Variants in ELAC2 observed in about 807,000 individuals in gnomAD.
ELAC2 encodes the protein elaC ribonuclease Z 2, also known as zinc phosphodiesterase ELAC protein 2.
ELAC2 carries 92 observed loss-of-function variants against 105.2 expected under a neutral mutation model. The ratio of observed to expected loss-of-function variants is 0.87; its 90% CI spans 0.74 to 1.04. The LOEUF (loss-of-function observed/expected upper bound fraction) is 1.04. ELAC2 is among the 50% of genes least tolerant of loss of function. ELAC2 has a pLI of 0.00. For missense variants in ELAC2, 1,099 were observed against 1,071.7 expected (o/e 1.03, Z -0.36); for synonymous variants, 468 against 409.1 (o/e 1.14, Z -1.74).
At chr17:13,008,935 G>A (rs2041256298) in intron 8 of ELAC2, among the ~76,000 whole-genome samples, 1 of 152,122 alleles carries the variant, frequency 6.6e-6, no homozygotes, top group African/African-American at 2.4e-5. Flanking sequence ...CTGATAATAG[G>A]GCAACTGCCC....
chr17:12,995,074 C>A lies in ELAC2; in HGVS notation c.1809-12G>T. ...TGGCAGGAATCATACTGTAAAAAGA[C>A]AAAACATTTAAAATGATAATAAACG... On this transcript the variant is annotated splice_polypyrimidine_tract_variant and intron_variant, in intron 19 of 23. Transcript: ENST00000338034. 6.2e-7 allele frequency: 1 copy of A among 1,613,440 alleles called. No individual in the cohort carries two copies.
intron 1 of ELAC2, 134 bp downstream of exon 1, chr17:13,017,569 T>G: frequency 6.7e-7 from 1 of 1,483,484 alleles, no homozygotes; most frequent in South Asian, 1.2e-5. Context: ...CCACCCACCA[T>G]AACTCCACGA....
intron 8 of ELAC2, 107 bp downstream of exon 8, chr17:13,010,506 G>C (rs1598257903): frequency 9.9e-7 from 1 of 1,011,636 alleles, no homozygotes. Flanking sequence ...ATCTCTTCTT[G>C]TCTCAGGTAA....
chr17:13,017,692 C>T lies in ELAC2; in HGVS notation c.245+11G>A, dbSNP rs1305283714. 5 of 1,613,258 alleles carry T rather than the reference C, an allele frequency of 3.1e-6. No homozygotes were observed. The highest frequency in any genetic ancestry group is 4.2e-6 in the Non-Finnish European group (5 of 1,179,804). On this transcript the variant is annotated intron_variant, in intron 1 of 23. Coordinates refer to ENST00000338034, the MANE Select transcript of ELAC2 (RefSeq NM_018127.7). ...GGGCCCAGCGGGACGGGGCGTGGCT[C>T]GTTGACTGACCGGTTGAACTCGGAG...
Position 12,993,757 on chromosome 17 carries a change from C to G in ELAC2, c.2183G>C (p.Arg728Pro). 6.2e-7 allele frequency: 1 copy of G among 1,614,158 alleles called. No homozygotes were observed. Among genetic ancestry groups the G allele is most frequent in the Non-Finnish European group, 8.5e-7 (1 of 1,180,024 alleles). Residue 728 changes from arginine (R) to proline (P), a missense_variant, in exon 23 of 24, where the codon CGC (arginine) becomes CCC (proline). Transcript: ENST00000338034. ...EFIMLNHFSQ[R>P]YAKVPLFSPN... The stretch of plus-strand genomic sequence containing the variant: ...GCTGAAGAGGGGGACCTTGGCATAG[C>G]GCTGGCTGAAGTGGTTCAGCATAAT...
In ELAC2 at chr17:12,992,816, C is replaced by T. The variant is rs562627181; in HGVS notation, c.*2G>A. The T allele has an allele frequency of 3.1e-6, 5 of 1,611,576 alleles. No homozygotes were observed. The highest frequency in any genetic ancestry group is 2.2e-5 in the East Asian group (1 of 44,840). ...CTTCTGAGTTCAGGGTCTCCCAGAT[C>T]TTCACTGGGCTCTGACCTTCTTGGC... On this transcript the variant is annotated 3_prime_UTR_variant, in exon 24 of 24. Coordinates refer to ENST00000338034, the MANE Select transcript of ELAC2 (RefSeq NM_018127.7).
At position 13,005,086 on chromosome 17, in the gene ELAC2, G is replaced by C; in HGVS notation, c.886C>G (p.Leu296Val). 6.2e-7 allele frequency: 1 copy of C among 1,614,066 alleles called. No homozygotes were observed. The highest frequency in any genetic ancestry group is 1.6e-4 in the Middle Eastern group (1 of 6,062). Reference protein sequence around the residue: ...HEGREILAEELCTPPDPGAAF... With the variant: ...HEGREILAEEVCTPPDPGAAF... ...GCACCAGGATCTGGAGGAGTACACA[G>C]CTCTTCAGCCAAAATCTGCAAAACC... The change falls in exon 11 of 24, where the codon CTG (leucine) becomes GTG (valine). Residue 296 changes from leucine to valine, a missense_variant. Leu to Val is a conservative substitution (Grantham distance 32). Coordinates refer to ENST00000338034, the MANE Select transcript of ELAC2 (RefSeq NM_018127.7).
intron 14 of ELAC2, chr17:13,000,526 C>T: frequency 1.9e-6 from 1 of 515,446 alleles, no homozygotes; most frequent in Non-Finnish European, 3.6e-6. Flanking sequence ...TTTCTGTGGC[C>T]AGTGCTGCTG....
chr17:13,013,132 G>C (rs916611010), intron 6 of ELAC2, 75 bp downstream of exon 6: 75 of 1,544,902 alleles, frequency 4.9e-5, no homozygotes, highest in South Asian at 2.4e-4. Context: ...CAAGTGTTCA[G>C]TTTCTATTTT....
chr17:12,996,582 C>T lies in ELAC2; in HGVS notation c.1624G>A (p.Val542Met), dbSNP rs745435355. The change falls in exon 17 of 24, where the codon GTG becomes ATG. Residue 542 changes from valine (V) to methionine (M), a missense_variant. Transcript: ENST00000338034. ...TCTGCGTGCAGGTGGGACACAAACA[C>T]AGCAGCCAGGGTGCCCAGGACCCTG... ...VDRVLGTLAA[V>M]FVSHLHADHH... The T allele has an allele frequency of 6.2e-7, 1 of 1,614,068 alleles. No individual in the cohort carries two copies. The highest frequency in any genetic ancestry group is 8.5e-7 in the Non-Finnish European group (1 of 1,180,046).
rs117582762 is a variant in ELAC2 at position 12,995,946 on chromosome 17, G to A, written c.1692C>T (p.Arg564=). Reference sequence around the variant, plus strand: ...CATCAAGTGCCACACTTACCAAGGCGCGTTCTCTCTGCAGCAAGATACTTG... The same window carrying A: ...CATCAAGTGCCACACTTACCAAGGCACGTTCTCTCTGCAGCAAGATACTTG... ...GLPSILLQRE[R]ALASLGKPLH... The change falls in exon 18 of 24, where the codon CGC becomes CGT. Residue 564 remains arginine, a synonymous_variant. Transcript: ENST00000338034. 4.9e-4 allele frequency: 789 copies of A among 1,596,304 alleles called. 9 individuals are homozygous for A. In the East Asian group the frequency reaches 8.4e-3, roughly 17 times the overall value.
intron 17 of ELAC2, chr17:12,996,336 C>A: frequency 2.7e-6 from 2 of 730,804 alleles, no homozygotes; most frequent in South Asian, 1.7e-5. Context: ...ACCTGTCCTG[C>A]TGCAGGAAAG....
chr17:13,012,689 G>T lies in ELAC2; in HGVS notation c.559+518C>A, dbSNP rs569100302. ...CTACTGCTTGGTACTCTCTTCACATGTAAGTAAAACCAGACATGAATGTCT... is the reference window on the plus strand; with the variant it reads ...CTACTGCTTGGTACTCTCTTCACATTTAAGTAAAACCAGACATGAATGTCT... On this transcript the variant is annotated intron_variant, in intron 6 of 23. Coordinates refer to ENST00000338034, the MANE Select transcript of ELAC2 (RefSeq NM_018127.7). 9.2e-5 allele frequency among the ~76,000 whole-genome samples: 14 copies of T among 152,210 alleles called. No individual in the cohort carries two copies. The East Asian group carries it at 2.7e-3, about 29-fold the overall frequency.
At position 13,014,343 on chromosome 17, in the gene ELAC2, G is replaced by C. The variant is rs968833562; in HGVS notation, c.490+96C>G. On this transcript the variant is annotated intron_variant, in intron 5 of 23. Transcript: ENST00000338034. ...GTGGTGATGAAGCATTTGATTTTGA[G>C]GTTTGATGTTGATGTTTTTAATGGA... The C allele has an allele frequency of 4.4e-6, 4 of 915,696 alleles. No homozygotes were observed. In the African/African-American group the frequency reaches 6.6e-5, roughly 15 times the overall value. 56.7% of individuals were successfully genotyped at this position (915,696 alleles called of 1,614,324 possible).
At chr17:13,003,696 C>CCA in intron 11 of ELAC2, 122 bp from the exon 12 acceptor site, 1 of 837,936 alleles carries the variant, frequency 1.2e-6, no homozygotes, top group Non-Finnish European at 2.0e-6. Context: ...CTGACAGCCT[C>CCA]CACGCCCAGG....
At chr17:13,014,144 T>C (rs536565056) in intron 5 of ELAC2, among the ~76,000 whole-genome samples, 4 of 152,054 alleles carry the variant, frequency 2.6e-5, no homozygotes, top group Admixed American at 1.3e-4. Flanking sequence ...ATACAAAAAA[T>C]TAGCTGAGCG....
At chr17:13,007,793 A>G (rs1332399677) in intron 8 of ELAC2, among the ~76,000 whole-genome samples, 1 of 152,114 alleles carries the variant, frequency 6.6e-6, no homozygotes, top group Non-Finnish European at 1.5e-5. Context: ...CATGAGAATC[A>G]CTTGAGCCTG....
chr17:13,010,823 A>C, intron 7 of ELAC2, 152 bp from the exon 8 acceptor site: 13 of 723,808 alleles, frequency 1.8e-5, no homozygotes, highest in Non-Finnish European at 3.1e-5. Flanking sequence ...TAATATACTC[A>C]AGAAGACTTT....
intron 5 of ELAC2, 120 bp downstream of exon 5, chr17:13,014,319 T>C: frequency 3.4e-6 from 2 of 581,806 alleles, no homozygotes; most frequent in South Asian, 3.2e-5. Flanking sequence ...AAAAATCTCG[T>C]GGTGATGAAG....
Sources: allele counts gnomAD v4.1 joint callset (sites outside exome capture counted in the v4.1 genomes callset), GRCh38; gene constraint gnomAD v4.1.1; transcripts MANE v1.5; gene names NCBI Gene and HGNC (gene_info 2026-07-23, HGNC 2026-07-21).